Variants in CDH12 observed in about 807,000 individuals in gnomAD.
The protein encoded by CDH12 is cadherin 12.
Under a neutral mutation model 74.1 loss-of-function variants are expected in CDH12, and 41 were observed. That is an observed-to-expected ratio of 0.55 (90% CI 0.43 to 0.72). CDH12 has a LOEUF of 0.72. CDH12 is among the 30% of genes least tolerant of loss of function. The probability of loss-of-function intolerance (pLI) is 0.00; values close to 1 mark genes in which losing one functional copy is unlikely to be tolerated. For synonymous variants in CDH12, 399 were observed against 355.0 expected (o/e 1.12, Z -1.39); for missense variants, 945 against 977.2 (o/e 0.97, Z 0.44).
intron 11 of CDH12, among the ~76,000 whole-genome samples, chr5:21,778,598 T>C (rs1434099448): frequency 1.3e-5 from 2 of 151,244 alleles, no homozygotes; most frequent in African/African-American, 2.4e-5. Context: ...CCCTCTGAAG[T>C]TTATATGACA....
At chr5:22,200,445 A>G (rs1750866988) in intron 4 of CDH12, among the ~76,000 whole-genome samples, 2 of 152,200 alleles carry the variant, frequency 1.3e-5, no homozygotes, top group African/African-American at 4.8e-5. Context: ...TGGATGAGAA[A>G]TGTCACCCAG....
intron 1 of CDH12, among the ~76,000 whole-genome samples, chr5:22,757,249 A>G (rs902633638): frequency 2.0e-5 from 3 of 152,188 alleles, no homozygotes; most frequent in Non-Finnish European, 2.9e-5. Flanking sequence ...GAACTGTTAC[A>G]CCAAAGATCT....
At chr5:22,392,774 T>C (rs1386824172) in intron 3 of CDH12, among the ~76,000 whole-genome samples, 1 of 152,158 alleles carries the variant, frequency 6.6e-6, no homozygotes, top group Non-Finnish European at 1.5e-5. Context: ...CTACAGAAGA[T>C]GTGATGCCGA....
intron 4 of CDH12, among the ~76,000 whole-genome samples, chr5:22,105,588 C>T (rs1433332286): frequency 1.3e-5 from 2 of 151,520 alleles, no homozygotes; most frequent in Non-Finnish European, 2.9e-5. Flanking sequence ...GTTTCAGCTA[C>T]TCGGGAGGCT....
intron 4 of CDH12, among the ~76,000 whole-genome samples, chr5:22,132,892 A>C (rs1193980633): frequency 6.6e-6 from 1 of 152,048 alleles, no homozygotes. Flanking sequence ...TCACATTGCC[A>C]TGCTCCGTGT....
At chr5:22,286,940 G>A (rs1375260023) in intron 3 of CDH12, among the ~76,000 whole-genome samples, 3 of 152,152 alleles carry the variant, frequency 2.0e-5, no homozygotes, top group Non-Finnish European at 4.4e-5. Flanking sequence ...GTCCCTATAT[G>A]CATCTTTAGA....
Position 22,529,879 on chromosome 5 carries a change from G to A in CDH12, c.-522-24515C>T, listed in dbSNP as rs187333000. On this transcript the variant is annotated intron_variant, in intron 1 of 14. Coordinates refer to ENST00000382254, the MANE Select transcript of CDH12 (RefSeq NM_004061.5). ...GGGCAACAGATGTTCAGCATGAATG[G>A]ACCCTCTGCAGGCTCACAGTCTGCT... Among the ~76,000 whole-genome samples, 137 of 152,174 alleles carry A rather than the reference G, an allele frequency of 9.0e-4. 2 individuals carry two copies. In the Middle Eastern group the frequency reaches 0.01, roughly 11 times the overall value.
chr5:22,382,013 T>C (rs1021748917), intron 3 of CDH12, among the ~76,000 whole-genome samples: 1 of 148,516 alleles, frequency 6.7e-6, no homozygotes, highest in Non-Finnish European at 1.5e-5. Context: ...TCCCTTTATG[T>C]TGCTTTGGCC....
At chr5:22,483,975 T>C (rs1472383998) in intron 2 of CDH12, among the ~76,000 whole-genome samples, 1 of 150,508 alleles carries the variant, frequency 6.6e-6, no homozygotes, top group East Asian at 2.0e-4. Flanking sequence ...GAAACAAACT[T>C]CTTCTAACCG....
At chr5:22,033,760 A>C (rs1360542365) in intron 5 of CDH12, among the ~76,000 whole-genome samples, 1 of 152,290 alleles carries the variant, frequency 6.6e-6, no homozygotes, top group South Asian at 2.1e-4. Context: ...ATCCTTACAT[A>C]TTTTTAATAA....
chr5:22,386,021 T>C (rs750306899), intron 3 of CDH12, among the ~76,000 whole-genome samples: 2 of 151,380 alleles, frequency 1.3e-5, no homozygotes, highest in African/African-American at 4.9e-5. Context: ...GCCTCCTGAG[T>C]AGCTGGGATT....
intron 3 of CDH12, among the ~76,000 whole-genome samples, chr5:22,298,822 G>A (rs2150418256): frequency 6.6e-6 from 1 of 152,194 alleles, no homozygotes; most frequent in African/African-American, 2.4e-5. Context: ...TTCTCTAATA[G>A]ATCAATGCAC....
At chr5:21,980,181 G>GAA (rs1757248976) in intron 5 of CDH12, among the ~76,000 whole-genome samples, 1 of 143,964 alleles carries the variant, frequency 6.9e-6, no homozygotes, top group African/African-American at 2.7e-5. Flanking sequence ...TATATGTATG[G>GAA]CATATATATA....
At chr5:22,163,640 T>C (rs1748490910) in intron 4 of CDH12, among the ~76,000 whole-genome samples, 1 of 152,226 alleles carries the variant, frequency 6.6e-6, no homozygotes, top group South Asian at 2.1e-4. Flanking sequence ...AGAATTATCC[T>C]GACATGAGAC....
At chr5:22,540,413 G>A (rs1451784439) in intron 1 of CDH12, among the ~76,000 whole-genome samples, 7 of 151,982 alleles carry the variant, frequency 4.6e-5, no homozygotes, top group Admixed American at 4.6e-4. Flanking sequence ...TTTAGAATAG[G>A]AGTCAGAAAA....
At chr5:22,009,939 C>CAAAAAAAAAAAAAA (rs774589642) in intron 5 of CDH12, among the ~76,000 whole-genome samples, 22 of 54,244 alleles carry the variant, frequency 4.1e-4, no homozygotes, top group African/African-American at 7.9e-4. Flanking sequence ...GAAACTGTCT[C>CAAAAAAAAAAAAAA]AAAAAAAAAA....
intron 3 of CDH12, among the ~76,000 whole-genome samples, chr5:22,401,386 T>C (rs539162329): frequency 6.6e-6 from 1 of 152,318 alleles, no homozygotes; most frequent in South Asian, 2.1e-4. Context: ...CTATTACTAA[T>C]GTTTATTTAC....
chr5:21,936,105 A>G (rs1159615996), intron 6 of CDH12, among the ~76,000 whole-genome samples: 1 of 152,118 alleles, frequency 6.6e-6, no homozygotes, highest in Non-Finnish European at 1.5e-5. Context: ...TTGGTTATAT[A>G]CCCAGGAGTG....
intron 3 of CDH12, among the ~76,000 whole-genome samples, chr5:22,288,837 TAAC>T (rs1483191338): frequency 2.0e-5 from 3 of 152,152 alleles, no homozygotes; most frequent in Non-Finnish European, 2.9e-5. Flanking sequence ...GAAAATATAA[TAAC>T]AACTTAAATC....
Sources: allele counts gnomAD v4.1 joint callset (sites outside exome capture counted in the v4.1 genomes callset), GRCh38; gene constraint gnomAD v4.1.1; transcripts MANE v1.5; gene names NCBI Gene and HGNC (gene_info 2026-07-23, HGNC 2026-07-21).